The following ENG variants were observed in gnomAD, a reference collection of about 807,000 sequenced individuals.
ENG encodes the protein endoglin.
A neutral mutation model predicts 71.0 loss-of-function variants in ENG; 17 were observed. That is an observed-to-expected ratio of 0.24 (90% confidence interval 0.16 to 0.36). The LOEUF is 0.36. Among genes scored for constraint, ENG ranks in the 10% least tolerant of loss-of-function variants. ENG has a pLI of 1.00. For synonymous variants in ENG, 360 were observed against 366.9 expected (o/e 0.98, Z 0.21); for missense variants, 749 against 868.3 (o/e 0.86, Z 1.73).
chr9:127,822,957 C>T (rs763709463), intron 8 of ENG, among the ~76,000 whole-genome samples: 11 of 152,118 alleles, frequency 7.2e-5, no homozygotes, highest in African/African-American at 2.4e-4. Flanking sequence ...TCTCCTGCCT[C>T]AGCCTCCTGA....
rs1039155568 is a variant in ENG at position 127,836,248 on chromosome 9, C to G, written c.220-6421G>C. On this transcript the variant is annotated intron_variant, in intron 2 of 14. Transcript: ENST00000373203. This position sits in a 1 kb window ranked among gnomAD's most constrained non-coding sequence, Gnocchi z 4.0. ...CATGGGACCCTGGGAATTCCGCAGT[C>G]TGGCCAGCCCCTCACCCCCAGCCCG... Among the ~76,000 whole-genome samples, 18 of 152,230 alleles carry G rather than the reference C, an allele frequency of 1.2e-4. No individual in the cohort carries two copies. The highest frequency in any genetic ancestry group is 2.5e-4 in the Non-Finnish European group (17 of 68,042).
rs953390498 is a variant in ENG, at chr9:127,825,946, G to C, written c.524-86C>G. ...GCCCTCACCCACAGCCAAAGATAGT[G>C]GTGGGGCAGGCAGGACGGTGCTGCA... On this transcript the variant is annotated intron_variant, in intron 4 of 14. Coordinates refer to ENST00000373203, the MANE Select transcript of ENG (RefSeq NM_001114753.3). The C allele has an allele frequency of 2.7e-5, 41 of 1,519,380 alleles. No homozygotes were observed. In the African/African-American group the frequency reaches 4.7e-4, roughly 17 times the overall value. 94.1% of individuals were successfully genotyped at this position (1,519,380 alleles called of 1,614,324 possible).
intron 1 of ENG, among the ~76,000 whole-genome samples, chr9:127,851,214 G>C (rs1831276071): frequency 6.6e-6 from 1 of 151,834 alleles, no homozygotes; most frequent in Non-Finnish European, 1.5e-5. Context: ...ATCTCTACAT[G>C]CTTGTTCTTT....
At chr9:127,850,426 C>T (rs752946198) in intron 1 of ENG, among the ~76,000 whole-genome samples, 31 of 152,238 alleles carry the variant, frequency 2.0e-4, no homozygotes, top group Non-Finnish European at 4.1e-4. Context: ...CCAACACATC[C>T]GTGACCACAA....
chr9:127,831,623 G>T (rs1285782077), intron 2 of ENG, among the ~76,000 whole-genome samples: 1 of 151,014 alleles, frequency 6.6e-6, no homozygotes, highest in Admixed American at 6.6e-5. Context: ...CTGACCTTGT[G>T]ATCCACCTGC....
At chr9:127,816,583 G>T (rs938773348) in intron 13 of ENG, 19 of 250,792 alleles carry the variant, frequency 7.6e-5, no homozygotes, top group African/African-American at 4.2e-4. Flanking sequence ...TGTGTCATGG[G>T]GTTATCAGCC....
intron 3 of ENG, chr9:127,827,015 C>A: frequency 2.9e-6 from 1 of 339,076 alleles, no homozygotes; most frequent in Non-Finnish European, 5.8e-6. Flanking sequence ...TCTCCCTACA[C>A]TGTGAGGGTC....
chr9:127,817,325 C>T (rs939119431), intron 12 of ENG, 122 bp from the exon 13 acceptor site: 9 of 952,934 alleles, frequency 9.4e-6, no homozygotes, highest in South Asian at 5.5e-5. Context: ...TCCACCGCTT[C>T]GTAGCTGGAT....
At chr9:127,849,195 C>A (rs952893707) in intron 1 of ENG, among the ~76,000 whole-genome samples, 1 of 152,180 alleles carries the variant, frequency 6.6e-6, no homozygotes, top group Non-Finnish European at 1.5e-5. Flanking sequence ...AACACTAGCC[C>A]GTAGGGGAAC....
rs1830284078 is a variant in ENG at position 127,815,513 on chromosome 9, G to A, written c.*169C>T. ...AGGGACCCCAAGGTGTTCCAAGCCA[G>A]TGGCTGCACTGGCAGCAGGCCTCTG... is the stretch of plus-strand genomic sequence containing the variant. On this transcript the variant is annotated 3_prime_UTR_variant, in exon 15 of 15. Coordinates refer to ENST00000373203, the MANE Select transcript of ENG (RefSeq NM_001114753.3). 3.0e-6 allele frequency: 4 copies of A among 1,338,992 alleles called. No individual in the cohort carries two copies. Among genetic ancestry groups the A allele is most frequent in the Non-Finnish European group, 3.0e-6 (3 of 1,009,678 alleles). The allele number at this position is 1,338,992 out of a possible 1,614,324, so 82.9% of individuals were successfully genotyped here. A position where few individuals can be genotyped will look rare whatever the true frequency, so the allele number is the denominator to read the frequency against.
At chr9:127,827,080 C>T (rs558294249) in intron 3 of ENG, 27 of 214,216 alleles carry the variant, frequency 1.3e-4, no homozygotes, top group African/African-American at 5.0e-4. Context: ...ACACGTAGTA[C>T]GCACTGAGAG....
At chr9:127,853,817 T>C (rs1018386840) in intron 1 of ENG, among the ~76,000 whole-genome samples, 20 of 152,212 alleles carry the variant, frequency 1.3e-4, no homozygotes, top group Non-Finnish European at 1.9e-4. Flanking sequence ...TCTTCCCCAC[T>C]TCGCTCAGAG....
At chr9:127,826,482 G>T in intron 4 of ENG, 28 bp downstream of exon 4, 1 of 1,613,728 alleles carries the variant, frequency 6.2e-7, no homozygotes, top group South Asian at 1.1e-5. Context: ...AGTATCATGA[G>T]CCCAGAGAGG....
At chr9:127,852,208 C>G (rs1406465120) in intron 1 of ENG, among the ~76,000 whole-genome samples, 1 of 152,152 alleles carries the variant, frequency 6.6e-6, no homozygotes, top group African/African-American at 2.4e-5. Flanking sequence ...ACCCACGGAC[C>G]ACGCATCTTT....
At chr9:127,854,059 G>A (rs1198827415) in intron 1 of ENG, among the ~76,000 whole-genome samples, 1 of 152,214 alleles carries the variant, frequency 6.6e-6, no homozygotes, top group Non-Finnish European at 1.5e-5. Flanking sequence ...CCAGAGACCA[G>A]GGTTAAAGTG....
In ENG at chr9:127,816,049, G is replaced by A. The variant is rs1830304790; in HGVS notation, c.1746C>T (p.Cys582=). 1.2e-6 allele frequency: 2 copies of A among 1,609,380 alleles called. No individual in the cohort carries two copies. Among genetic ancestry groups the A allele is most frequent in the Non-Finnish European group, 8.5e-7 (1 of 1,178,968 alleles). ...LNIISPDLSG[C]TSKGLVLPAV... ...CGGGCAGGACGAGGCCTTTGCTTGT[G>A]CAACCTAGAGAGGGCCGACGCCATC... The change falls in exon 14 of 15, where the codon TGC becomes TGT. Residue 582 remains cysteine (C), a synonymous_variant. Coordinates refer to ENST00000373203, the MANE Select transcript of ENG (RefSeq NM_001114753.3).
intron 3 of ENG, among the ~76,000 whole-genome samples, chr9:127,827,601 A>AAAC (rs1830653125): frequency 6.6e-6 from 1 of 152,206 alleles, no homozygotes; most frequent in Non-Finnish European, 1.5e-5. Flanking sequence ...GAGCTGAATG[A>AAAC]AACAGCAGCA....
chr9:127,825,375 C>T lies in ENG; in HGVS notation c.690-18G>A, dbSNP rs376779134. 1.2e-5 allele frequency: 20 copies of T among 1,607,806 alleles called. No homozygotes were observed. Among genetic ancestry groups the T allele is most frequent in the Admixed American group, 6.7e-5 (4 of 59,524 alleles). On this transcript the variant is annotated intron_variant, in intron 5 of 14. Coordinates refer to ENST00000373203, the MANE Select transcript of ENG (RefSeq NM_001114753.3). ...TCCGGGGCCTGCGGGGAGACAGACG[C>T]GGATGGAACACTGAAGCGGACAGGC...
chr9:127,838,319 C>G lies in ENG; in HGVS notation c.219+4775G>C, dbSNP rs1338396889. On this transcript the variant is annotated intron_variant, in intron 2 of 14. Transcript: ENST00000373203. This position sits in a 1 kb window ranked among gnomAD's most constrained non-coding sequence, Gnocchi z 4.3. ...ACATCCCTTTGGCCCCACAGAGTCC[C>G]CACCCTGGGAGAGGGCTGCCATTGG... Among the ~76,000 whole-genome samples, 1 of 152,172 alleles carries G rather than the reference C, an allele frequency of 6.6e-6. No individual in the cohort carries two copies. Among genetic ancestry groups the G allele is most frequent in the African/African-American group, 2.4e-5 (1 of 41,416 alleles).
Sources: gnomAD v4.1 joint callset for allele counts (sites outside exome capture counted in the v4.1 genomes callset) on GRCh38, gnomAD v4.1.1 for gene constraint, Gnocchi (gnomAD v3.1) non-coding constraint, MANE v1.5 for transcripts, NCBI Gene and HGNC (gene_info 2026-07-23, HGNC 2026-07-21) for gene names.